Variants in ASAP2 observed in about 807,000 individuals in gnomAD.
ASAP2 encodes ArfGAP with SH3 domain, ankyrin repeat and PH domain 2.
In ASAP2, 45 loss-of-function variants were observed where a neutral mutation model predicts 131.4. That is an observed-to-expected ratio of 0.34 (90% CI 0.27 to 0.44). The LOEUF is 0.44. Among genes scored for constraint, ASAP2 ranks in the 20% least tolerant of loss-of-function variants. ASAP2 has a pLI of 1.00. For missense variants in ASAP2, 1,011 were observed against 1,297.0 expected (o/e 0.78, Z 3.39); for synonymous variants, 510 against 503.0 (o/e 1.01, Z -0.19).
At chr2:9,317,539 CAAT>C (rs879538795) in intron 3 of ASAP2, among the ~76,000 whole-genome samples, 27 of 145,294 alleles carry the variant, frequency 1.9e-4, no homozygotes, top group Non-Finnish European at 3.6e-4. Flanking sequence ...CAAATCCACA[CAAT>C]CTCTCACATC....
chr2:9,267,984 C>T (rs532773892), intron 1 of ASAP2, among the ~76,000 whole-genome samples: 42 of 151,862 alleles, frequency 2.8e-4, no homozygotes, highest in African/African-American at 6.5e-4. Context: ...CCTGTCCCAT[C>T]GTAACGCCCT....
At chr2:9,381,101 G>A (rs1572597756) in intron 20 of ASAP2, among the ~76,000 whole-genome samples, 1 of 152,220 alleles carries the variant, frequency 6.6e-6, no homozygotes, top group East Asian at 1.9e-4. Context: ...GAGGCCCGAG[G>A]CCACCACAAG....
intron 3 of ASAP2, among the ~76,000 whole-genome samples, chr2:9,301,855 G>T (rs1315617449): frequency 1.6e-5 from 2 of 125,152 alleles, no homozygotes; most frequent in African/African-American, 6.6e-5. Flanking sequence ...ACGGAGTCTC[G>T]TTCTGTTGTC....
In ASAP2 at chr2:9,335,186, G is replaced by A; in HGVS notation, c.849+7G>A. 1 of 1,613,236 alleles carries A rather than the reference G, an allele frequency of 6.2e-7. No homozygotes were observed. The highest frequency in any genetic ancestry group is 8.5e-7 in the Non-Finnish European group (1 of 1,179,328). On this transcript the variant is annotated splice_region_variant and intron_variant, in intron 9 of 27. Coordinates refer to ENST00000281419, the MANE Select transcript of ASAP2 (RefSeq NM_003887.3). ...GCAGGTTGAACAGAAAGAGGTGAGG[G>A]GATTTAATTTTGAAAGATTGCAGTT...
Position 9,392,829 on chromosome 2 carries a change from A to G in ASAP2, c.2519-653A>G, listed in dbSNP as rs1041149849. Among the ~76,000 whole-genome samples the G allele has an allele frequency of 3.9e-5, 6 of 152,152 alleles. No individual in the cohort carries two copies. Among genetic ancestry groups the G allele is most frequent in the African/African-American group, 1.4e-4 (6 of 41,428 alleles). On this transcript the variant is annotated intron_variant, in intron 23 of 27. Transcript: ENST00000281419. The surrounding 1 kb of genome is among the most constrained non-coding windows in gnomAD (Gnocchi z 4.0). Reference sequence around the variant, plus strand: ...AAGCCCGACATTTAGAGAGGGCTTAATGCCTATCAAGGGAGGAGAGACGGA... The same window carrying G: ...AAGCCCGACATTTAGAGAGGGCTTAGTGCCTATCAAGGGAGGAGAGACGGA...
chr2:9,242,422 G>A (rs547273535), intron 1 of ASAP2, among the ~76,000 whole-genome samples: 1 of 152,290 alleles, frequency 6.6e-6, no homozygotes, highest in South Asian at 2.1e-4. Context: ...CTTCTGGTAG[G>A]GTCACACCTA....
intron 16 of ASAP2, 123 bp from the exon 17 acceptor site, chr2:9,374,632 C>T (rs995548812): frequency 5.8e-5 from 53 of 916,740 alleles, no homozygotes; most frequent in African/African-American, 5.1e-5. Context: ...CTTTGTGTTT[C>T]GGGGCCAGCG....
Position 9,403,334 on chromosome 2 carries a change from A to G in ASAP2, c.*7A>G, listed in dbSNP as rs745425709. 5.0e-6 allele frequency: 8 copies of G among 1,613,272 alleles called. No homozygotes were observed. The highest frequency in any genetic ancestry group is 1.6e-4 in the Middle Eastern group (1 of 6,084). The stretch of plus-strand genomic sequence containing the variant: ...GCACTTTATCGCTGACTGAATTGCT[A>G]CTGAACAAAAGCATTAACAGTTATG... On this transcript the variant is annotated 3_prime_UTR_variant, in exon 28 of 28. Coordinates refer to ENST00000281419, the MANE Select transcript of ASAP2 (RefSeq NM_003887.3).
intron 12 of ASAP2, among the ~76,000 whole-genome samples, chr2:9,353,726 G>A (rs1672502460): frequency 6.6e-6 from 1 of 152,216 alleles, no homozygotes; most frequent in South Asian, 2.1e-4. Flanking sequence ...ACTCAGAAGA[G>A]CAATAGACTG....
At chr2:9,249,304 C>T (rs1434866511) in intron 1 of ASAP2, among the ~76,000 whole-genome samples, 7 of 152,224 alleles carry the variant, frequency 4.6e-5, no homozygotes, top group African/African-American at 1.2e-4. Context: ...TCAGCCTGCC[C>T]GTGGCCTGTC....
intron 2 of ASAP2, among the ~76,000 whole-genome samples, chr2:9,295,974 C>T (rs929160724): frequency 6.6e-6 from 1 of 152,184 alleles, no homozygotes; most frequent in Non-Finnish European, 1.5e-5. Context: ...CCCACATTGT[C>T]AGGCCCAGCC....
intron 27 of ASAP2, among the ~76,000 whole-genome samples, chr2:9,401,980 C>T (rs906292409): frequency 4.6e-5 from 7 of 152,184 alleles, no homozygotes; most frequent in Admixed American, 3.3e-4. Context: ...ACCCACTAAG[C>T]GGCAGCTGCA....
At chr2:9,368,177 C>T (rs1235415103) in intron 15 of ASAP2, among the ~76,000 whole-genome samples, 1 of 152,212 alleles carries the variant, frequency 6.6e-6, no homozygotes, top group East Asian at 1.9e-4. Flanking sequence ...TTCTCCCTGT[C>T]TCTGTCTGTA....
At chr2:9,220,689 A>G (rs953676065) in intron 1 of ASAP2, among the ~76,000 whole-genome samples, 6 of 152,326 alleles carry the variant, frequency 3.9e-5, no homozygotes, top group Non-Finnish European at 7.3e-5. Context: ...TCAAAGGACA[A>G]ATTTTTTAAT....
intron 6 of ASAP2, 30 bp from the exon 7 acceptor site, chr2:9,327,796 C>G (rs376208691): frequency 5.9e-6 from 9 of 1,531,742 alleles, no homozygotes; most frequent in African/African-American, 1.4e-5. Flanking sequence ...CTGCTTACTT[C>G]CATGACATTT....
At chr2:9,334,871 A>G (rs1443739388) in intron 8 of ASAP2, 58 bp downstream of exon 8, 9 of 1,544,278 alleles carry the variant, frequency 5.8e-6, no homozygotes, top group Middle Eastern at 1.7e-4. Context: ...AGACATTTTC[A>G]TCTAAATGTC....
chr2:9,354,700 C>T (rs955895408), intron 12 of ASAP2, among the ~76,000 whole-genome samples: 2 of 151,816 alleles, frequency 1.3e-5, no homozygotes, highest in African/African-American at 2.4e-5. Context: ...AGAAAGTGGT[C>T]GGGCCAGAAG....
chr2:9,331,102 C>T (rs1010745113), intron 7 of ASAP2, among the ~76,000 whole-genome samples: 1 of 152,234 alleles, frequency 6.6e-6, no homozygotes, highest in Non-Finnish European at 1.5e-5. Context: ...TTCCGCTTCT[C>T]GCCCCCAAGG....
chr2:9,213,126 G>T (rs9287705), intron 1 of ASAP2, among the ~76,000 whole-genome samples: 30,637 of 152,236 alleles, frequency 0.2, 3,212 homozygotes, highest in South Asian at 0.25. Context: ...TGCATAACAT[G>T]GGGATAGAAA....
Sources: gnomAD v4.1 joint callset for allele counts (sites outside exome capture counted in the v4.1 genomes callset) on GRCh38, gnomAD v4.1.1 for gene constraint, Gnocchi (gnomAD v3.1) non-coding constraint, MANE v1.5 for transcripts, NCBI Gene and HGNC (gene_info 2026-07-23, HGNC 2026-07-21) for gene names.